Variants in FBXO10 observed in about 807,000 individuals in gnomAD.
The protein encoded by FBXO10 is F-box protein 10.
Under a neutral mutation model 80.7 loss-of-function variants are expected in FBXO10, and 39 were observed. The ratio of observed to expected loss-of-function variants is 0.48; its 90% CI spans 0.37 to 0.63. The LOEUF is 0.63. FBXO10 is among the 30% of genes least tolerant of loss of function. FBXO10 has a pLI of 0.00. For synonymous variants in FBXO10, 449 were observed against 489.6 expected (o/e 0.92, Z 1.09); for missense variants, 1,025 against 1,269.0 (o/e 0.81, Z 2.92).
At chr9:37,524,266 T>A (rs572756571) in intron 6 of FBXO10, among the ~76,000 whole-genome samples, 1 of 152,332 alleles carries the variant, frequency 6.6e-6, no homozygotes, top group African/African-American at 2.4e-5. Context: ...ACCCAGTCCC[T>A]CTTTTGCCTT....
intron 1 of FBXO10, among the ~76,000 whole-genome samples, chr9:37,545,877 T>G (rs770465993): frequency 3.9e-5 from 6 of 152,202 alleles, no homozygotes; most frequent in Non-Finnish European, 8.8e-5. Context: ...CCGGGTGCGG[T>G]GGCTCACACC....
chr9:37,553,936 A>AAAAAG (rs1554648219), intron 1 of FBXO10, among the ~76,000 whole-genome samples: 56 of 148,966 alleles, frequency 3.8e-4, no homozygotes, highest in African/African-American at 1.3e-3. Context: ...AAAAAAAAAA[A>AAAAAG]AAAGAAAGAA....
chr9:37,570,326 A>G (rs1822719120), intron 1 of FBXO10, among the ~76,000 whole-genome samples: 1 of 152,164 alleles, frequency 6.6e-6, no homozygotes, highest in African/African-American at 2.4e-5. Flanking sequence ...GAAAAAAAAA[A>G]GAAAAGAAAT....
chr9:37,516,435 C>A (rs1318384025), intron 9 of FBXO10, among the ~76,000 whole-genome samples: 1 of 152,222 alleles, frequency 6.6e-6, no homozygotes, highest in Non-Finnish European at 1.5e-5. Flanking sequence ...CTCTCCCTTC[C>A]TCTGCTCCCA....
Position 37,518,445 on chromosome 9 carries a change from G to GT in FBXO10, c.2201-8dup, listed in dbSNP as rs1262495543. 4 of 1,572,920 alleles carry GT rather than the reference G, an allele frequency of 2.5e-6. No individual in the cohort carries two copies. The Admixed American group carries it at 7.0e-5, about 28-fold the overall frequency. On this transcript the variant is annotated splice_region_variant and splice_polypyrimidine_tract_variant and intron_variant, in intron 8 of 10. Coordinates refer to ENST00000432825, the MANE Select transcript of FBXO10 (RefSeq NM_012166.3). The stretch of plus-strand genomic sequence containing the variant: ...TGGACATAGAGTCCTGAGGCTATGG[G>GT]TGGAAGGGTTGGAAAGCACAGGGGG...
At chr9:37,517,006 A>C (rs1025521223) in intron 9 of FBXO10, among the ~76,000 whole-genome samples, 2 of 152,058 alleles carry the variant, frequency 1.3e-5, no homozygotes, top group Non-Finnish European at 2.9e-5. Context: ...ATACCACAGA[A>C]TACTACTCAG....
intron 10 of FBXO10, 120 bp from the exon 11 acceptor site, chr9:37,512,841 AG>A: frequency 9.9e-7 from 1 of 1,015,036 alleles, no homozygotes; most frequent in Non-Finnish European, 1.4e-6. Context: ...ATCTGGGTGT[AG>A]GTTTTATCTT....
At chr9:37,535,348 T>C (rs1821731458) in intron 3 of FBXO10, among the ~76,000 whole-genome samples, 1 of 125,864 alleles carries the variant, frequency 7.9e-6, no homozygotes, top group South Asian at 2.7e-4. Flanking sequence ...GACACTTCTT[T>C]TTTTTTATTT....
chr9:37,572,444 T>C (rs1781677813), intron 1 of FBXO10, among the ~76,000 whole-genome samples: 1 of 152,154 alleles, frequency 6.6e-6, no homozygotes, highest in African/African-American at 2.4e-5. Context: ...AACCACAGGA[T>C]GAATACATCT....
chr9:37,524,622 C>T (rs556749450), intron 6 of FBXO10, among the ~76,000 whole-genome samples: 1 of 152,276 alleles, frequency 6.6e-6, no homozygotes, highest in South Asian at 2.1e-4. Context: ...CCACAAACCA[C>T]TAAGAAATTA....
At chr9:37,553,352 T>A (rs575251659) in intron 1 of FBXO10, among the ~76,000 whole-genome samples, 2 of 152,246 alleles carry the variant, frequency 1.3e-5, no homozygotes, top group African/African-American at 4.8e-5. Flanking sequence ...TGTATGTTTT[T>A]AAATTGTTAT....
At chr9:37,527,604 C>T (rs530322018) in intron 5 of FBXO10, among the ~76,000 whole-genome samples, 6 of 152,326 alleles carry the variant, frequency 3.9e-5, no homozygotes, top group Admixed American at 6.5e-5. Flanking sequence ...GTTCCTTGGT[C>T]AGTCTGCATG....
At position 37,567,148 on chromosome 9, in the gene FBXO10, CT is replaced by C. The variant is rs111249142; in HGVS notation, c.-7+9062del. ...ACATGTCTTTTTTTTTTCTTTTTTT[CT>C]TTTTTTTTTTTGAGACAAGGTCTTG... On this transcript the variant is annotated intron_variant, in intron 1 of 10. Coordinates refer to ENST00000432825, the MANE Select transcript of FBXO10 (RefSeq NM_012166.3). Among the ~76,000 whole-genome samples the C allele has an allele frequency of 5.3e-3, 727 of 136,592 alleles. 4 individuals are homozygous for C. Among genetic ancestry groups the C allele is most frequent in the African/African-American group, 0.014 (512 of 37,060 alleles). The allele number at this position is 136,592 out of a possible 152,430, so 89.6% of individuals were successfully genotyped here. A position where few individuals can be genotyped will look rare whatever the true frequency, so the allele number is the denominator to read the frequency against.
At chr9:37,517,771 C>T (rs1336607014) in intron 9 of FBXO10, among the ~76,000 whole-genome samples, 1 of 152,162 alleles carries the variant, frequency 6.6e-6, no homozygotes, top group Non-Finnish European at 1.5e-5. Context: ...ATCTACTGTA[C>T]AGCAGGCACT....
chr9:37,524,017 A>G (rs1821407836), intron 6 of FBXO10, among the ~76,000 whole-genome samples: 1 of 152,232 alleles, frequency 6.6e-6, no homozygotes, highest in South Asian at 2.1e-4. Flanking sequence ...CCTCACCTGC[A>G]ATGGCTCAGG....
chr9:37,545,907 GAGGCGGAGGTGGGTGGATCACTTGA>G (rs1279066400), intron 1 of FBXO10, among the ~76,000 whole-genome samples: 3 of 152,186 alleles, frequency 2.0e-5, no homozygotes, highest in East Asian at 3.9e-4. Flanking sequence ...AGCACTTTGG[GAGGCGGAGGTGGGTGGATCACTTGA>G]AGTCGGGAGT....
At chr9:37,542,647 T>A (rs1003381317) in intron 1 of FBXO10, among the ~76,000 whole-genome samples, 3 of 149,102 alleles carry the variant, frequency 2.0e-5, no homozygotes, top group African/African-American at 4.9e-5. Flanking sequence ...TTCACCACCA[T>A]GTGGAGGAAA....
chr9:37,524,746 A>T (rs1182229334), intron 6 of FBXO10, among the ~76,000 whole-genome samples: 2 of 152,170 alleles, frequency 1.3e-5, no homozygotes, highest in Non-Finnish European at 2.9e-5. Flanking sequence ...GACCCAAAGG[A>T]TAAGCAGGGG....
chr9:37,545,887 C>T (rs1182319034), intron 1 of FBXO10, among the ~76,000 whole-genome samples: 1 of 152,178 alleles, frequency 6.6e-6, no homozygotes, highest in Non-Finnish European at 1.5e-5. Context: ...TGGCTCACAC[C>T]TGTAATCCCA....
Sources: allele counts gnomAD v4.1 joint callset (sites outside exome capture counted in the v4.1 genomes callset), GRCh38; gene constraint gnomAD v4.1.1; transcripts MANE v1.5; gene names NCBI Gene and HGNC (gene_info 2026-07-23, HGNC 2026-07-21).